SRCAP: variants seen among roughly 807,000 people sequenced by gnomAD.
SRCAP encodes the protein Snf2 related CREBBP activator protein, also known as chromatin remodeling protein SRCAP.
In SRCAP, 46 loss-of-function variants were observed where a neutral mutation model predicts 263.1. The observed-to-expected ratio is 0.17, with a 90% CI of 0.14 to 0.22. SRCAP has a LOEUF of 0.22. Ranked by LOEUF, SRCAP falls within the 10% of genes least tolerant of loss-of-function variation. SRCAP has a pLI of 1.00. For missense variants in SRCAP, 3,695 were observed against 4,181.9 expected (o/e 0.88, Z 3.21); for synonymous variants, 1,813 against 1,662.1 (o/e 1.09, Z -2.21).
At chr16:30,708,158 T>G (rs569495417) in intron 6 of SRCAP, among the ~76,000 whole-genome samples, 30 of 152,204 alleles carry the variant, frequency 2.0e-4, no homozygotes, top group Non-Finnish European at 4.0e-4. Flanking sequence ...ACACATAGAC[T>G]TTATGCTGCT....
In SRCAP at chr16:30,720,348, A is replaced by G; in HGVS notation, c.2987+17A>G. On this transcript the variant is annotated intron_variant, in intron 19 of 33. Transcript: ENST00000262518. ...GGTCAACAGGTACAAGGACTAAGGA[A>G]TGAGGGGATGGTTCCTAGAATAAGT... The G allele has an allele frequency of 6.2e-7, 1 of 1,600,196 alleles. No individual in the cohort carries two copies. Among genetic ancestry groups the G allele is most frequent in the Non-Finnish European group, 8.6e-7 (1 of 1,169,264 alleles).
At chr16:30,715,855 C>T (rs1185681137) in intron 16 of SRCAP, among the ~76,000 whole-genome samples, 3 of 152,152 alleles carry the variant, frequency 2.0e-5, no homozygotes, top group Non-Finnish European at 4.4e-5. Context: ...CACAGTGCTT[C>T]CTTATATCAC....
At position 30,712,606 on chromosome 16, in the gene SRCAP, C is replaced by T. The variant is rs954632673; in HGVS notation, c.1994-73C>T. On this transcript the variant is annotated intron_variant, in intron 13 of 33. Coordinates refer to ENST00000262518, the MANE Select transcript of SRCAP (RefSeq NM_006662.3). Reference sequence around the variant, plus strand: ...TTCCTAGGAAGGGCCAAAGGGTGGCCAGGGTTATAACTGAGAAATCAGAAC... The same window carrying T: ...TTCCTAGGAAGGGCCAAAGGGTGGCTAGGGTTATAACTGAGAAATCAGAAC... 5.0e-6 allele frequency: 8 copies of T among 1,599,642 alleles called. No individual in the cohort carries two copies. In the East Asian group the frequency reaches 6.7e-5, roughly 13 times the overall value.
chr16:30,738,111 C>G lies in SRCAP; in HGVS notation c.8071C>G (p.Gln2691Glu). The change falls in exon 34 of 34, where the codon CAG (glutamine) becomes GAG (glutamate). Residue 2691 changes from glutamine to glutamate, a missense_variant. Around this residue, in one of 12 missense-constraint regions of SRCAP, gnomAD observed 1,207 missense variants for 1,142.9 expected, o/e 1.06. Coordinates refer to ENST00000262518, the MANE Select transcript of SRCAP (RefSeq NM_006662.3). ...CCCAACCTCCAGCCCAGAGAAGCCA[C>G]AGGAACTCGTTACAGCTGAGGTTGC... is the stretch of plus-strand genomic sequence containing the variant. ...KTPTSSPEKP[Q>E]ELVTAEVAAP... 6.2e-7 allele frequency: 1 copy of G among 1,614,176 alleles called. No individual in the cohort carries two copies. The highest frequency in any genetic ancestry group is 2.2e-5 in the East Asian group (1 of 44,888).
In SRCAP at chr16:30,723,860, C is replaced by T; in HGVS notation, c.4436C>T (p.Pro1479Leu). ...GCTCTGTTGACCAGTGTGACTCCAC[C>T]ATTGGCACCTGTTGTCCCAGCGGCT... is the stretch of plus-strand genomic sequence containing the variant. ...GPALLTSVTP[P>L]LAPVVPAAPG... The change falls in exon 25 of 34, where the codon CCA becomes CTA. Residue 1479 changes from proline to leucine, a missense_variant. Pro to Leu is a moderately conservative substitution (Grantham distance 98, BLOSUM62 -3). Transcript: ENST00000262518. The T allele has an allele frequency of 6.2e-7, 1 of 1,614,144 alleles. No homozygotes were observed. Among genetic ancestry groups the T allele is most frequent in the Non-Finnish European group, 8.5e-7 (1 of 1,180,028 alleles).
chr16:30,709,377 C>T (rs1408355531), intron 6 of SRCAP, 136 bp from the exon 7 acceptor site: 2 of 825,024 alleles, frequency 2.4e-6, no homozygotes, highest in African/African-American at 1.7e-5. Context: ...CATAGTGAGC[C>T]CCTAAGGTTA....
intron 18 of SRCAP, among the ~76,000 whole-genome samples, chr16:30,718,536 C>T (rs924846398): frequency 2.1e-5 from 3 of 144,226 alleles, no homozygotes; most frequent in Non-Finnish European, 3.0e-5. Flanking sequence ...TGCAGTGGTG[C>T]GATGTCAGCT....
At chr16:30,730,695 G>T (rs1281414879) in intron 27 of SRCAP, among the ~76,000 whole-genome samples, 6 of 150,714 alleles carry the variant, frequency 4.0e-5, no homozygotes, top group Non-Finnish European at 8.8e-5. Context: ...CTCCCAAAGT[G>T]CTGGGATTAC....
chr16:30,711,061 A>G lies in SRCAP; in HGVS notation c.1291A>G (p.Met431Val), dbSNP rs2052885628. 1.9e-6 allele frequency: 3 copies of G among 1,613,920 alleles called. No homozygotes were observed. The highest frequency in any genetic ancestry group is 1.7e-5 in the Admixed American group (1 of 59,978). The change falls in exon 10 of 34, where the codon ATG (methionine) becomes GTG (valine). Residue 431 changes from methionine to valine, a missense_variant. Physicochemically the swap from Met to Val is conservative, Grantham distance 21. Transcript: ENST00000262518. ...GTTGGAAGGGGAGGTGGATCATGCC[A>G]TGGAGCTGAGCGAGTTGGCTCGAGA... is the stretch of plus-strand genomic sequence containing the variant. Reference protein sequence around the residue: ...EQLEGEVDHAMELSELAREGE... With the variant: ...EQLEGEVDHAVELSELAREGE...
chr16:30,720,137 G>A (rs2052996135), intron 18 of SRCAP, 25 bp from the exon 19 acceptor site: 2 of 1,596,244 alleles, frequency 1.3e-6, no homozygotes, highest in East Asian at 2.3e-5. Flanking sequence ...TCTTCTTTAT[G>A]ACTGTGCTTT....
chr16:30,707,495 G>A, intron 5 of SRCAP, 77 bp from the exon 6 acceptor site: 1 of 1,605,656 alleles, frequency 6.2e-7, no homozygotes. Flanking sequence ...AGATTTCTTG[G>A]CCTTGATTAT....
chr16:30,729,510 A>G lies in SRCAP; in HGVS notation c.6065A>G (p.His2022Arg), dbSNP rs1474539168. 15 of 1,613,932 alleles carry G rather than the reference A, an allele frequency of 9.3e-6. No homozygotes were observed. Among genetic ancestry groups the G allele is most frequent in the Non-Finnish European group, 1.2e-5 (14 of 1,180,016 alleles). ...CTCTGGCCCCGGGCTCGTCCTTTGCACCGTATTGTGTGTAACATGCGCACC... is the reference window on the plus strand; with the variant it reads ...CTCTGGCCCCGGGCTCGTCCTTTGCGCCGTATTGTGTGTAACATGCGCACC... ...SELWPRARPL[H>R]RIVCNMRTQF... is the part of the protein sequence containing the mutation. Residue 2022 changes from histidine to arginine, a missense_variant, in exon 27 of 34, where the codon CAC becomes CGC. Physicochemically the swap from His to Arg is conservative, Grantham distance 29. This residue lies in a region of SRCAP where 138 missense variants were observed against 254.9 expected (regional missense o/e 0.54). Transcript: ENST00000262518.
At chr16:30,717,018 A>G (rs182338245) in intron 18 of SRCAP, among the ~76,000 whole-genome samples, 7 of 152,284 alleles carry the variant, frequency 4.6e-5, no homozygotes, top group Admixed American at 2.6e-4. Flanking sequence ...ATGTTGGGAA[A>G]ACCTCCACTG....
Position 30,724,980 on chromosome 16 carries a change from A to C in SRCAP, c.5556A>C (p.Thr1852=). The C allele has an allele frequency of 6.2e-7, 1 of 1,613,860 alleles. No individual in the cohort carries two copies. Among genetic ancestry groups the C allele is most frequent in the Non-Finnish European group, 8.5e-7 (1 of 1,179,976 alleles). Residue 1852 remains threonine, a synonymous_variant, in exon 25 of 34, where the codon ACA becomes ACC. Transcript: ENST00000262518. The part of the protein sequence containing the change: ...PVSKDEPDTL[T]LRSGPPSPPS... ...CCAAGGATGAGCCTGACACACTGACATTGCGCTCTGGTCCCCCCAGCCCTC... is the reference window on the plus strand; with the variant it reads ...CCAAGGATGAGCCTGACACACTGACCTTGCGCTCTGGTCCCCCCAGCCCTC...
chr16:30,737,784 C>A lies in SRCAP; in HGVS notation c.7744C>A (p.Pro2582Thr). The change falls in exon 34 of 34, where the codon CCT becomes ACT. Residue 2582 changes from proline to threonine, a missense_variant. Pro to Thr is a conservative substitution (Grantham distance 38). This residue lies in a region of SRCAP where 1,207 missense variants were observed against 1,142.9 expected (regional missense o/e 1.06). Transcript: ENST00000262518. ...SETSSLSLVP[P>T]KDLLPVAVEI... ...AACCTCCTCACTTTCTCTTGTGCCC[C>A]CTAAAGATCTGTTGCCAGTTGCTGT... The A allele has an allele frequency of 6.2e-7, 1 of 1,614,182 alleles. No individual in the cohort carries two copies.
rs945465014 is a variant in SRCAP, at chr16:30,724,146, T to A, written c.4722T>A (p.Ala1574=). The A allele has an allele frequency of 9.9e-6, 16 of 1,614,096 alleles. No individual in the cohort carries two copies. The highest frequency in any genetic ancestry group is 1.4e-5 in the Non-Finnish European group (16 of 1,180,022). ...CTCCAGCTCAGGCTTCCCTTCTGGC[T>A]CCAGCATCTTCTGCATCTCAGGCTC... is the stretch of plus-strand genomic sequence containing the variant. The part of the protein sequence containing the change: ...NPAPAQASLL[A]PASSASQALA... The change falls in exon 25 of 34, where the codon GCT becomes GCA. Residue 1574 remains alanine (A), a synonymous_variant. Transcript: ENST00000262518.
rs1488494778 is a variant in SRCAP, at chr16:30,723,873, T to G, written c.4449T>G (p.Val1483=). The G allele has an allele frequency of 1.2e-6, 2 of 1,614,088 alleles. No homozygotes were observed. The highest frequency in any genetic ancestry group is 2.2e-5 in the East Asian group (1 of 44,878). The change falls in exon 25 of 34, where the codon GTT becomes GTG. Residue 1483 remains valine, a synonymous_variant. Transcript: ENST00000262518. Reference sequence around the variant, plus strand: ...GTGTGACTCCACCATTGGCACCTGTTGTCCCAGCGGCTCCTGGACCTCCCT... The same window carrying G: ...GTGTGACTCCACCATTGGCACCTGTGGTCCCAGCGGCTCCTGGACCTCCCT... ...LTSVTPPLAP[V]VPAAPGPPSL...
intron 18 of SRCAP, among the ~76,000 whole-genome samples, chr16:30,718,190 G>T (rs573541581): frequency 7.3e-5 from 11 of 150,810 alleles, no homozygotes; most frequent in South Asian, 4.2e-4. Flanking sequence ...TTTTTTGGGT[G>T]GGGGGGGCAG....
At position 30,740,075 on chromosome 16, in the gene SRCAP, CTTTTTTT is replaced by C. The variant is rs397854666; in HGVS notation, c.*352_*358del. The C allele has an allele frequency of 1.4e-5, 2 of 147,570 alleles. No homozygotes were observed. The highest frequency in any genetic ancestry group is 2.2e-4 in the South Asian group (1 of 4,482). 9.1% of individuals were successfully genotyped at this position (147,570 alleles called of 1,614,324 possible). ...GGCTTCTCTACAATGAGGTTTTTTTCTTTTTTTTTTTTTTTTAAGAAGAAAAAATAAT... is the reference window on the plus strand; with the variant it reads ...GGCTTCTCTACAATGAGGTTTTTTTCTTTTTTTTTAAGAAGAAAAAATAAT... On this transcript the variant is annotated 3_prime_UTR_variant, in exon 34 of 34. Transcript: ENST00000262518.
Sources: gnomAD v4.1 joint callset for allele counts (sites outside exome capture counted in the v4.1 genomes callset) on GRCh38, gnomAD v4.1.1 for gene constraint, gnomAD v4.1.1 regional missense constraint, MANE v1.5 for transcripts, NCBI Gene and HGNC (gene_info 2026-07-23, HGNC 2026-07-21) for gene names.